SGMS1: variants seen among roughly 807,000 people sequenced by gnomAD.
The protein encoded by SGMS1 is sphingomyelin synthase 1.
SGMS1 carries 13 observed loss-of-function variants against 46.2 expected under a neutral mutation model. The observed-to-expected ratio is 0.28, with a 90% CI of 0.18 to 0.45. The LOEUF is 0.45. Among genes scored for constraint, SGMS1 ranks in the 20% least tolerant of loss-of-function variants. The pLI is 1.00. For missense variants in SGMS1, 324 were observed against 519.9 expected (o/e 0.62, Z 3.66); for synonymous variants, 203 against 187.8 (o/e 1.08, Z -0.66).
chr10:50,477,367 C>T (rs778103502), intron 3 of SGMS1, among the ~76,000 whole-genome samples: 2 of 152,222 alleles, frequency 1.3e-5, no homozygotes, highest in South Asian at 4.1e-4. Context: ...ATACCCAATG[C>T]CTGTACTCCC....
intron 4 of SGMS1, among the ~76,000 whole-genome samples, chr10:50,461,015 T>TTTAATATTTACAGTA (rs1837257645): frequency 6.6e-6 from 1 of 152,170 alleles, no homozygotes; most frequent in African/African-American, 2.4e-5. Flanking sequence ...TTTTAATTGT[T>TTTAATATTTACAGTA]GTATTTTTTA....
chr10:50,460,669 A>G lies in SGMS1; in HGVS notation c.-313+4T>C, dbSNP rs977934449. 2.0e-5 allele frequency: 3 copies of G among 152,298 alleles called. No homozygotes were observed. The highest frequency in any genetic ancestry group is 7.2e-5 in the African/African-American group (3 of 41,452). 9.4% of individuals were successfully genotyped at this position (152,298 alleles called of 1,614,324 possible). A position where few individuals can be genotyped will look rare whatever the true frequency, so the allele number is the denominator to read the frequency against. ...TTCAATCCAAGTTCTCCGTCAATAC[A>G]TACCTGCAACAGCCACTGTTTTGCA... On this transcript the variant is annotated splice_donor_region_variant and intron_variant, in intron 5 of 10. Coordinates refer to ENST00000361781, the MANE Select transcript of SGMS1 (RefSeq NM_147156.4).
At chr10:50,355,768 T>C (rs1848134035) in intron 6 of SGMS1, among the ~76,000 whole-genome samples, 1 of 144,398 alleles carries the variant, frequency 6.9e-6, no homozygotes, top group South Asian at 2.2e-4. Flanking sequence ...TCTGCCCGGC[T>C]GCCCAGTCTG....
At chr10:50,456,889 TC>T (rs987593397) in intron 5 of SGMS1, among the ~76,000 whole-genome samples, 1 of 152,194 alleles carries the variant, frequency 6.6e-6, no homozygotes, top group African/African-American at 2.4e-5. Context: ...AAGAGAATTT[TC>T]CCATGCTACA....
At chr10:50,352,297 G>A (rs1320308138) in intron 6 of SGMS1, among the ~76,000 whole-genome samples, 2 of 152,028 alleles carry the variant, frequency 1.3e-5, no homozygotes, top group African/African-American at 2.4e-5. Flanking sequence ...TTCACACACT[G>A]TGGTGTTTTT....
intron 3 of SGMS1, among the ~76,000 whole-genome samples, chr10:50,477,094 T>C (rs936145682): frequency 5.3e-5 from 8 of 152,218 alleles, no homozygotes; most frequent in Non-Finnish European, 8.8e-5. Flanking sequence ...GCTTGCATCA[T>C]GCACCTGGAA....
chr10:50,349,195 A>G (rs1434931548), intron 6 of SGMS1, among the ~76,000 whole-genome samples: 1 of 152,210 alleles, frequency 6.6e-6, no homozygotes, highest in Non-Finnish European at 1.5e-5. Context: ...TCCTTAAAAT[A>G]ACCCCTGTGC....
intron 8 of SGMS1, among the ~76,000 whole-genome samples, chr10:50,321,650 T>A (rs1329384322): frequency 6.6e-6 from 1 of 152,144 alleles, no homozygotes; most frequent in Non-Finnish European, 1.5e-5. Context: ...ACAATTTAAG[T>A]TGCACACCAT....
chr10:50,418,872 C>T (rs1849217684), intron 6 of SGMS1, among the ~76,000 whole-genome samples: 1 of 152,132 alleles, frequency 6.6e-6, no homozygotes, highest in South Asian at 2.1e-4. Context: ...TTACAACAGT[C>T]CCCCCATATG....
rs796426712 is a variant in SGMS1, at chr10:50,322,908, G to A, written c.741+4297C>T. ...CAGGATGGAACACACGGTCTTTGGA[G>A]CTATGATGAGAGTAACATGGGCTAA... On this transcript the variant is annotated intron_variant, in intron 8 of 10. Transcript: ENST00000361781. Among the ~76,000 whole-genome samples the A allele has an allele frequency of 2.3e-4, 35 of 151,326 alleles. 1 individual carries two copies. Among genetic ancestry groups the A allele is most frequent in the African/African-American group, 8.0e-4 (33 of 41,194 alleles).
At chr10:50,521,077 T>G (rs1428608248) in intron 2 of SGMS1, among the ~76,000 whole-genome samples, 2 of 152,024 alleles carry the variant, frequency 1.3e-5, no homozygotes, top group Non-Finnish European at 2.9e-5. Flanking sequence ...GGTCTTGCTA[T>G]GTGCTGGGTC....
At chr10:50,583,508 C>A (rs1017415445) in intron 2 of SGMS1, among the ~76,000 whole-genome samples, 2 of 152,162 alleles carry the variant, frequency 1.3e-5, no homozygotes, top group Non-Finnish European at 2.9e-5. Context: ...TATACCTGGC[C>A]ACAGCCACTG....
intron 5 of SGMS1, among the ~76,000 whole-genome samples, chr10:50,433,782 G>A (rs1399438610): frequency 6.6e-6 from 1 of 152,142 alleles, no homozygotes; most frequent in African/African-American, 2.4e-5. Flanking sequence ...TTGGGGTGGT[G>A]AACCCTTAAA....
intron 2 of SGMS1, among the ~76,000 whole-genome samples, chr10:50,533,937 C>T (rs1440485492): frequency 6.6e-6 from 1 of 152,110 alleles, no homozygotes; most frequent in Non-Finnish European, 1.5e-5. Flanking sequence ...ATAGTCCCAG[C>T]TACTTGGGAG....
intron 5 of SGMS1, among the ~76,000 whole-genome samples, chr10:50,452,029 T>C (rs1837117169): frequency 2.0e-5 from 3 of 152,110 alleles, no homozygotes; most frequent in South Asian, 2.1e-4. Flanking sequence ...ATGGCAGATA[T>C]CATGTAACAA....
intron 1 of SGMS1, among the ~76,000 whole-genome samples, chr10:50,598,524 T>C (rs1838617888): frequency 6.6e-6 from 1 of 152,170 alleles, no homozygotes; most frequent in Non-Finnish European, 1.5e-5. Flanking sequence ...AAATAACTGA[T>C]GGGTCTTGGT....
chr10:50,535,271 A>G (rs1837990544), intron 2 of SGMS1, among the ~76,000 whole-genome samples: 1 of 152,074 alleles, frequency 6.6e-6, no homozygotes, highest in African/African-American at 2.4e-5. Flanking sequence ...AAAAGTGTCT[A>G]GTCTTTTTAA....
At chr10:50,540,008 T>A (rs182340001) in intron 2 of SGMS1, among the ~76,000 whole-genome samples, 15 of 152,356 alleles carry the variant, frequency 9.8e-5, no homozygotes, top group Non-Finnish European at 1.6e-4. Flanking sequence ...AATGTAATTA[T>A]ACAACCTTAT....
intron 1 of SGMS1, among the ~76,000 whole-genome samples, chr10:50,616,539 C>A (rs1190326710): frequency 6.6e-6 from 1 of 152,172 alleles, no homozygotes; most frequent in Non-Finnish European, 1.5e-5. Flanking sequence ...CCTACAATAT[C>A]TTTTAAACCC....
Sources: gnomAD v4.1 joint callset for allele counts (sites outside exome capture counted in the v4.1 genomes callset) on GRCh38, gnomAD v4.1.1 for gene constraint, MANE v1.5 for transcripts, NCBI Gene and HGNC (gene_info 2026-07-23, HGNC 2026-07-21) for gene names.